The following ADAMTSL1 variants were observed in gnomAD, a reference collection of about 807,000 sequenced individuals.
ADAMTSL1 encodes ADAMTS like 1.
Under a neutral mutation model 201.8 loss-of-function variants are expected in ADAMTSL1, and 126 were observed. The ratio of observed to expected loss-of-function variants is 0.62; its 90% CI spans 0.54 to 0.72. The LOEUF (loss-of-function observed/expected upper bound fraction) is 0.72. Ranked by LOEUF, ADAMTSL1 falls within the 30% of genes least tolerant of loss-of-function variation. The pLI is 0.00. For synonymous variants in ADAMTSL1, 1,121 were observed against 903.4 expected (o/e 1.24, Z -4.32); for missense variants, 2,679 against 2,277.8 (o/e 1.18, Z -3.59).
intron 14 of ADAMTSL1, among the ~76,000 whole-genome samples, 179 bp from the exon 15 acceptor site, chr9:18,721,357 C>A (rs897712346): frequency 6.6e-6 from 1 of 152,162 alleles, no homozygotes; most frequent in African/African-American, 2.4e-5. Context: ...ATACTTTCTC[C>A]CAGCTCAAGT....
chr9:18,493,274 T>C (rs1295970384), intron 1 of ADAMTSL1, among the ~76,000 whole-genome samples: 2 of 152,262 alleles, frequency 1.3e-5, no homozygotes, highest in African/African-American at 4.8e-5. Context: ...TGCTCAACTT[T>C]ACATCTCTCT....
intron 8 of ADAMTSL1, among the ~76,000 whole-genome samples, chr9:18,658,383 A>G (rs1317144262): frequency 2.0e-5 from 3 of 152,346 alleles, no homozygotes; most frequent in East Asian, 1.9e-4. Context: ...TCACTTACAT[A>G]TAAACTACTC....
At chr9:18,043,311 T>C (rs973619893) in intron 1 of ADAMTSL1, among the ~76,000 whole-genome samples, 8 of 152,136 alleles carry the variant, frequency 5.3e-5, no homozygotes, top group Non-Finnish European at 1.0e-4. Context: ...TGCTGCACTT[T>C]GGTTAGTTGG....
chr9:18,526,527 C>T (rs531916203), intron 2 of ADAMTSL1, among the ~76,000 whole-genome samples: 1 of 152,278 alleles, frequency 6.6e-6, no homozygotes, highest in East Asian at 1.9e-4. Context: ...CAGTTTCTTC[C>T]CAGCATCAAT....
In ADAMTSL1 at chr9:18,588,884, C is replaced by CATATATATATATATATATATATAT. The variant is rs754566534; in HGVS notation, c.474+14637_474+14638insTATATATATATATATATATATATA. ...GCTTTGTGCCATATATATACATATA[C>CATATATATATATATATATATATAT]ATATATATATATATATATACATATA... On this transcript the variant is annotated intron_variant, in intron 4 of 28. Transcript: ENST00000380548. Among the ~76,000 whole-genome samples, 188 of 122,794 alleles carry CATATATATATATATATATATATAT rather than the reference C, an allele frequency of 1.5e-3. 1 individual carries two copies. The highest frequency in any genetic ancestry group is 4.6e-3 in the Middle Eastern group (1 of 216). The allele number at this position is 122,794 out of a possible 152,430, so 80.6% of individuals were successfully genotyped here.
intron 2 of ADAMTSL1, among the ~76,000 whole-genome samples, chr9:18,287,604 T>TGCATATATGTATGTGTATACATATAC (rs1290626479): frequency 1.5e-5 from 2 of 129,190 alleles, no homozygotes; most frequent in Non-Finnish European, 3.3e-5. Flanking sequence ...CACACATATA[T>TGCATATATGTATGTGTATACATATAC]GCATATATGT....
At chr9:18,666,644 T>A in intron 9 of ADAMTSL1, among the ~76,000 whole-genome samples, 1 of 152,152 alleles carries the variant, frequency 6.6e-6, no homozygotes, top group South Asian at 2.1e-4. Context: ...CTTACGCCAA[T>A]GGAAATATTT....
At chr9:18,208,132 G>A (rs1190181168) in intron 2 of ADAMTSL1, among the ~76,000 whole-genome samples, 1 of 152,142 alleles carries the variant, frequency 6.6e-6, no homozygotes, top group Non-Finnish European at 1.5e-5. Context: ...AAAACGCTTA[G>A]TCCAGTATCT....
At chr9:17,951,695 C>G (rs1266078858) in intron 1 of ADAMTSL1, among the ~76,000 whole-genome samples, 2 of 151,790 alleles carry the variant, frequency 1.3e-5, no homozygotes, top group Non-Finnish European at 2.9e-5. Flanking sequence ...AATCTGGAAG[C>G]CAATCCTTTA....
At chr9:18,607,722 C>G (rs1312533632) in intron 4 of ADAMTSL1, among the ~76,000 whole-genome samples, 1 of 151,336 alleles carries the variant, frequency 6.6e-6, no homozygotes. Flanking sequence ...TGCTATCCCT[C>G]CCCCCTACCC....
At chr9:18,198,434 A>C (rs1453756344) in intron 2 of ADAMTSL1, among the ~76,000 whole-genome samples, 7 of 148,818 alleles carry the variant, frequency 4.7e-5, no homozygotes, top group Non-Finnish European at 1.0e-4. Context: ...CAACCCCATC[A>C]AAAAGTGGGC....
chr9:17,947,298 A>G (rs944369130), intron 1 of ADAMTSL1, among the ~76,000 whole-genome samples: 5 of 132,694 alleles, frequency 3.8e-5, no homozygotes, highest in African/African-American at 1.4e-4. Flanking sequence ...TAAGGCATTT[A>G]CCTTATACAC....
intron 2 of ADAMTSL1, among the ~76,000 whole-genome samples, chr9:18,223,955 T>C (rs564242164): frequency 6.6e-6 from 1 of 152,302 alleles, no homozygotes; most frequent in African/African-American, 2.4e-5. Flanking sequence ...GACTCTTTTA[T>C]ATTAATTTTT....
intron 2 of ADAMTSL1, among the ~76,000 whole-genome samples, chr9:18,431,680 G>A (rs1819497482): frequency 6.6e-6 from 1 of 152,042 alleles, no homozygotes; most frequent in African/African-American, 2.4e-5. Context: ...CCTTGATAAA[G>A]AAAATTTCTC....
At chr9:18,257,422 A>C (rs1397386202) in intron 2 of ADAMTSL1, among the ~76,000 whole-genome samples, 1 of 152,182 alleles carries the variant, frequency 6.6e-6, no homozygotes, top group Non-Finnish European at 1.5e-5. Flanking sequence ...AAAGATGCTC[A>C]ACACCCCAGT....
chr9:18,567,307 A>G lies in ADAMTSL1; in HGVS notation c.238-6723A>G, dbSNP rs193116334. Among the ~76,000 whole-genome samples the G allele has an allele frequency of 2.6e-5, 4 of 152,230 alleles. No individual in the cohort carries two copies. The East Asian group carries it at 5.8e-4, about 22-fold the overall frequency. The stretch of plus-strand genomic sequence containing the variant: ...TGGTAAAACCCTGTCTCTACTAAAA[A>G]TACAGAAAAGTAGCCAGGTATGGTG... On this transcript the variant is annotated intron_variant, in intron 3 of 28. Transcript: ENST00000380548.
chr9:18,556,318 T>TA (rs1209767976), intron 3 of ADAMTSL1, among the ~76,000 whole-genome samples: 1 of 152,064 alleles, frequency 6.6e-6, no homozygotes, highest in Non-Finnish European at 1.5e-5. Flanking sequence ...ATTGACTTTT[T>TA]ACTATAGCTG....
chr9:17,989,663 A>T (rs1356334519), intron 1 of ADAMTSL1, among the ~76,000 whole-genome samples: 1 of 151,970 alleles, frequency 6.6e-6, no homozygotes, highest in Non-Finnish European at 1.5e-5. Context: ...CTGGAACTTA[A>T]CCAACAAGAG....
intron 23 of ADAMTSL1, among the ~76,000 whole-genome samples, chr9:18,834,203 G>T (rs1825174073): frequency 6.6e-6 from 1 of 152,132 alleles, no homozygotes; most frequent in Admixed American, 6.5e-5. Flanking sequence ...TTTTTAAATA[G>T]TTTTTCCTAG....
Sources: allele counts gnomAD v4.1 joint callset (sites outside exome capture counted in the v4.1 genomes callset), GRCh38; gene constraint gnomAD v4.1.1; transcripts MANE v1.5; gene names NCBI Gene and HGNC (gene_info 2026-07-23, HGNC 2026-07-21).